The following IGFN1 variants were observed in gnomAD, a reference collection of about 807,000 sequenced individuals.
IGFN1 encodes immunoglobulin-like and fibronectin type III domain-containing protein 1.
In IGFN1, 253 loss-of-function variants were observed where a neutral mutation model predicts 289.5. That is an observed-to-expected ratio of 0.87 (90% CI 0.79 to 0.97). The LOEUF (loss-of-function observed/expected upper bound fraction) is 0.97, where lower values mean the gene tolerates loss of function less well. Ranked by LOEUF, IGFN1 falls within the 50% of genes least tolerant of loss-of-function variation. The pLI is 0.00. For synonymous variants in IGFN1, 1,706 were observed against 1,788.5 expected, an observed-to-expected ratio of 0.95 and a Z score of 1.16; for missense variants, 4,470 against 4,686.1, an observed-to-expected ratio of 0.95 and a Z score of 1.35.
chr1:201,217,574 G>A (rs1653404758), intron 17 of IGFN1, 114 bp downstream of exon 17: 1 of 1,048,024 alleles, frequency 9.5e-7, no homozygotes, highest in Non-Finnish European at 1.4e-6. Context: ...GGGTGGTTTG[G>A]CAACGTCTGG....
Position 201,194,158 on chromosome 1 carries a change from G to A in IGFN1, c.12G>A (p.Lys4=), listed in dbSNP as rs1184969714. 1 of 1,551,534 alleles carries A rather than the reference G, an allele frequency of 6.4e-7. No individual in the cohort carries two copies. The highest frequency in any genetic ancestry group is 2.0e-5 in the Admixed American group (1 of 51,000). Residue 4 remains lysine, a synonymous_variant, in exon 3 of 24, where the codon AAG becomes AAA. Transcript: ENST00000335211. MAG[K]LRKSHIPGVS... is the part of the protein sequence containing the mutation. ...CTTCCCTCCTGCATTCTCCAGGAAA[G>A]CTCCGGAAGTCCCACATCCCTGGAG...
Position 201,221,616 on chromosome 1 carries a change from A to T in IGFN1, c.10071A>T (p.Pro3357=), listed in dbSNP as rs769071390. The change falls in exon 19 of 24, where the codon CCA becomes CCT. Residue 3357 remains proline, a synonymous_variant. Transcript: ENST00000335211. ...QWLPCHVGTV[P]VTTYTAKGLR... The stretch of plus-strand genomic sequence containing the variant: ...TCCCGTGCCATGTGGGCACCGTGCC[A>T]GTCACCACCTACACGGCCAAGGGGC... 6.2e-7 allele frequency: 1 copy of T among 1,614,216 alleles called. No individual in the cohort carries two copies. Among genetic ancestry groups the T allele is most frequent in the Non-Finnish European group, 8.5e-7 (1 of 1,180,024 alleles).
At chr1:201,225,243 G>C (rs1654001421) in intron 21 of IGFN1, among the ~76,000 whole-genome samples, 1 of 152,322 alleles carries the variant, frequency 6.6e-6, no homozygotes, top group South Asian at 2.1e-4. Flanking sequence ...TTCCTCCCCA[G>C]CTGTGGCTCC....
chr1:201,221,563 C>G lies in IGFN1; in HGVS notation c.10018C>G (p.Leu3340Val). ...GDEAQGYVVE[L>V]CSSDSLQWLP... ...TGAAGCCCAGGGGTATGTGGTGGAG[C>G]TGTGCAGCTCAGACAGTCTCCAGTG... Residue 3340 changes from leucine to valine, a missense_variant, in exon 19 of 24, where the codon CTG (leucine) becomes GTG (valine). Around this residue, in one of 8 missense-constraint regions of IGFN1, gnomAD observed 2,218 missense variants for 2,114.1 expected, o/e 1.05. Coordinates refer to ENST00000335211, the MANE Select transcript of IGFN1 (RefSeq NM_001164586.2). 1 of 1,614,188 alleles carries G rather than the reference C, an allele frequency of 6.2e-7. No individual in the cohort carries two copies. Among genetic ancestry groups the G allele is most frequent in the Non-Finnish European group, 8.5e-7 (1 of 1,180,012 alleles).
In IGFN1 at chr1:201,211,171, G is replaced by T. The variant is rs1043933260; in HGVS notation, c.6278G>T (p.Gly2093Val). 10 of 1,530,608 alleles carry T rather than the reference G, an allele frequency of 6.5e-6. No homozygotes were observed. The highest frequency in any genetic ancestry group is 1.7e-4 in the Middle Eastern group (1 of 5,988). The allele number at this position is 1,530,608 out of a possible 1,614,324, so 94.8% of individuals were successfully genotyped here. A position where few individuals can be genotyped will look rare whatever the true frequency, so the allele number is the denominator to read the frequency against. Residue 2093 changes from glycine (G) to valine (V), a missense_variant, in exon 12 of 24, where the codon GGG becomes GTG. By Grantham distance (109) the Gly-to-Val change is moderately radical. Coordinates refer to ENST00000335211, the MANE Select transcript of IGFN1 (RefSeq NM_001164586.2). ...AAGACAGGTTTCAGGGATGGTTTAG[G>T]GGGTTCTGAAGAAATGGAGTCAATG... ...GSKTGFRDGL[G>V]GSEEMESMDE...
chr1:201,194,275 T>G lies in IGFN1; in HGVS notation c.127+2T>G. 1 of 1,551,218 alleles carries G rather than the reference T, an allele frequency of 6.4e-7. No homozygotes were observed. The stretch of plus-strand genomic sequence containing the variant: ...CCGTCACCTCGGCTCTGCCAGAGGG[T>G]GAGCCCAGAGGGGAGCTGCGGAGGG... On this transcript the variant is annotated splice_donor_variant, in intron 3 of 23. Transcript: ENST00000335211. LOFTEE classifies it high-confidence loss of function.
In IGFN1 at chr1:201,217,406, A is replaced by C; in HGVS notation, c.9715A>C (p.Arg3239=). Residue 3239 remains arginine (R), a synonymous_variant, in exon 17 of 24, where the codon AGG becomes CGG. Transcript: ENST00000335211. ...CCACATCCTGGGCTACCTGATCGAG[A>C]GGCGTAAGAAGGGGAGCAACACCTG... ...SAHILGYLIE[R]RKKGSNTWTA... 6.2e-7 allele frequency: 1 copy of C among 1,614,142 alleles called. No homozygotes were observed. The highest frequency in any genetic ancestry group is 8.5e-7 in the Non-Finnish European group (1 of 1,180,004).
At position 201,211,522 on chromosome 1, in the gene IGFN1, A is replaced by G. The variant is rs1667796499; in HGVS notation, c.6629A>G (p.Asn2210Ser). 1.3e-6 allele frequency: 2 copies of G among 1,502,534 alleles called. No individual in the cohort carries two copies. Among genetic ancestry groups the G allele is most frequent in the Non-Finnish European group, 1.8e-6 (2 of 1,127,428 alleles). 93.1% of individuals were successfully genotyped at this position (1,502,534 alleles called of 1,614,324 possible). A position where few individuals can be genotyped will look rare whatever the true frequency, so the allele number is the denominator to read the frequency against. ...GGTTCTGAAGAAATGGGGTCAGTGA[A>G]TAAGGCAGGTTATAGGAAGGATTTG... is the stretch of plus-strand genomic sequence containing the variant. ...LGGSEEMGSV[N>S]KAGYRKDLGA... The change falls in exon 12 of 24, where the codon AAT (asparagine) becomes AGT (serine). Residue 2210 changes from asparagine (N) to serine (S), a missense_variant. By Grantham distance (46) the Asn-to-Ser change is conservative. Coordinates refer to ENST00000335211, the MANE Select transcript of IGFN1 (RefSeq NM_001164586.2).
intron 19 of IGFN1, 58 bp downstream of exon 19, chr1:201,221,804 C>T (rs1033963699): frequency 2.1e-6 from 3 of 1,451,470 alleles, no homozygotes; most frequent in Admixed American, 2.3e-5. Flanking sequence ...TAAGAGGGGG[C>T]CCCTGAGTAG....
In IGFN1 at chr1:201,200,299, C is replaced by T. The variant is rs1008819620; in HGVS notation, c.521C>T (p.Ala174Val). Reference protein sequence around the residue: ...LEQIWQLLMTADRKDYEKICL... With the variant: ...LEQIWQLLMTVDRKDYEKICL... ...CAGATATGGCAGCTGCTGATGACAG[C>T]AGACAGGAAGGACTACGAGAAGATC... is the stretch of plus-strand genomic sequence containing the variant. Residue 174 changes from alanine to valine, a missense_variant, in exon 8 of 24, where the codon GCA becomes GTA. Ala to Val is a moderately conservative substitution (Grantham distance 64). Coordinates refer to ENST00000335211, the MANE Select transcript of IGFN1 (RefSeq NM_001164586.2). 6.4e-7 allele frequency: 1 copy of T among 1,551,660 alleles called. No homozygotes were observed.
rs577323742 is a variant in IGFN1 at position 201,215,698 on chromosome 1, G to C, written c.9155G>C (p.Arg3052Thr). The change falls in exon 15 of 24, where the codon AGG (arginine) becomes ACG (threonine). Residue 3052 changes from arginine to threonine, a missense_variant. By Grantham distance (71) the Arg-to-Thr change is moderately conservative. This residue lies in a region of IGFN1 where 2,218 missense variants were observed against 2,114.1 expected (regional missense o/e 1.05). Coordinates refer to ENST00000335211, the MANE Select transcript of IGFN1 (RefSeq NM_001164586.2). ...DGAEVVGSSD[R>T]EAQVDLGDGY... Reference sequence around the variant, plus strand: ...GCTGAGGTGGTGGGCAGCAGTGACAGGGAGGCCCAGGTGGACCTGGGGGAT... The same window carrying C: ...GCTGAGGTGGTGGGCAGCAGTGACACGGAGGCCCAGGTGGACCTGGGGGAT... The C allele has an allele frequency of 4.3e-6, 7 of 1,613,710 alleles. No individual in the cohort carries two copies. The African/African-American group carries it at 9.3e-5, about 22-fold the overall frequency.
chr1:201,213,362 A>G lies in IGFN1; in HGVS notation c.8469A>G (p.Ser2823=). Reference sequence around the variant, plus strand: ...TCAGGAGCAGGTCTCAGGCACAGTCAGGGGCTGAGGTTGGAGGAGGAAAGA... The same window carrying G: ...TCAGGAGCAGGTCTCAGGCACAGTCGGGGGCTGAGGTTGGAGGAGGAAAGA... ...GSLRSRSQAQ[S]GAEVGGGKRR... The change falls in exon 12 of 24, where the codon TCA becomes TCG. Residue 2823 remains serine (S), a synonymous_variant. Transcript: ENST00000335211. 6.2e-7 allele frequency: 1 copy of G among 1,611,316 alleles called. No homozygotes were observed. Among genetic ancestry groups the G allele is most frequent in the Non-Finnish European group, 8.5e-7 (1 of 1,178,672 alleles).
intron 4 of IGFN1, 26 bp from the exon 5 acceptor site, chr1:201,197,192 T>A: frequency 6.9e-7 from 1 of 1,447,156 alleles, no homozygotes; most frequent in Non-Finnish European, 9.5e-7. Context: ...GGTAGCCCTG[T>A]TCCTCTGCCC....
chr1:201,193,575 C>T (rs1406254010), intron 2 of IGFN1, among the ~76,000 whole-genome samples: 4 of 152,202 alleles, frequency 2.6e-5, no homozygotes, highest in African/African-American at 9.6e-5. Flanking sequence ...CCTCAGCCTC[C>T]TGAGTAGCTA....
At chr1:201,197,935 G>A (rs143195339) in intron 5 of IGFN1, among the ~76,000 whole-genome samples, 130 of 152,256 alleles carry the variant, frequency 8.5e-4, no homozygotes, top group African/African-American at 3.1e-3. Flanking sequence ...GAAGTTTTGC[G>A]AGTGGCGTCC....
chr1:201,223,849 CA>C, intron 20 of IGFN1, among the ~76,000 whole-genome samples: 1 of 152,286 alleles, frequency 6.6e-6, no homozygotes, highest in Admixed American at 6.5e-5. Context: ...TGTTTAAAAT[CA>C]TCATCATCTG....
chr1:201,208,894 T>G lies in IGFN1; in HGVS notation c.4001T>G (p.Ile1334Arg). The G allele has an allele frequency of 1.3e-6, 2 of 1,536,406 alleles. No homozygotes were observed. The highest frequency in any genetic ancestry group is 2.4e-5 in the South Asian group (2 of 84,024). Residue 1334 changes from isoleucine (I) to arginine (R), a missense_variant, in exon 12 of 24, where the codon ATA (isoleucine) becomes AGA (arginine). Physicochemically the swap from Ile to Arg is moderately conservative, Grantham distance 97. Coordinates refer to ENST00000335211, the MANE Select transcript of IGFN1 (RefSeq NM_001164586.2). Reference sequence around the variant, plus strand: ...AAAGATTTAGGGGCTCCTGAGGGAATAAGTTCAGGGAGCAAGGCAGATTAT... The same window carrying G: ...AAAGATTTAGGGGCTCCTGAGGGAAGAAGTTCAGGGAGCAAGGCAGATTAT... Reference protein sequence around the residue: ...YRKDLGAPEGISSGSKADYRG... With the variant: ...YRKDLGAPEGRSSGSKADYRG...
intron 9 of IGFN1, among the ~76,000 whole-genome samples, 192 bp from the exon 10 acceptor site, chr1:201,203,546 C>T (rs899813930): frequency 3.9e-5 from 6 of 152,208 alleles, no homozygotes; most frequent in South Asian, 4.1e-4. Context: ...TCCCATCCAG[C>T]TCACAATCCC....
chr1:201,193,850 G>T (rs1666768023), intron 2 of IGFN1, among the ~76,000 whole-genome samples: 1 of 152,160 alleles, frequency 6.6e-6, no homozygotes, highest in Non-Finnish European at 1.5e-5. Flanking sequence ...CTGAGAAGGA[G>T]CCCTTTCTCA....
Sources: gnomAD v4.1 joint callset for allele counts (sites outside exome capture counted in the v4.1 genomes callset) on GRCh38, gnomAD v4.1.1 for gene constraint, gnomAD v4.1.1 regional missense constraint, MANE v1.5 for transcripts, NCBI Gene and HGNC (gene_info 2026-07-23, HGNC 2026-07-21) for gene names.